The following MTUS2 variants were observed in gnomAD, a reference collection of about 807,000 sequenced individuals.
MTUS2 encodes the protein microtubule-associated tumor suppressor candidate 2.
MTUS2 carries 40 observed loss-of-function variants against 114.1 expected under a neutral mutation model. That is an observed-to-expected ratio of 0.35 (90% CI 0.27 to 0.46). The LOEUF is 0.46. Among genes scored for constraint, MTUS2 ranks in the 20% least tolerant of loss-of-function variants. The pLI, the probability that MTUS2 is intolerant of heterozygous loss-of-function variation, is 1.00. For missense variants in MTUS2, 1,679 were observed against 1,705.4 expected, an observed-to-expected ratio of 0.98 and a Z score of 0.27; for synonymous variants, 688 against 672.0, an observed-to-expected ratio of 1.02 and a Z score of -0.37.
intron 5 of MTUS2, among the ~76,000 whole-genome samples, chr13:29,183,567 A>G (rs1030218179): frequency 6.6e-6 from 1 of 152,212 alleles, no homozygotes; most frequent in African/African-American, 2.4e-5. Context: ...TAAGACTGGA[A>G]AGATCACCAA....
chr13:29,348,165 C>G (rs1232847700), intron 7 of MTUS2, among the ~76,000 whole-genome samples: 1 of 152,178 alleles, frequency 6.6e-6, no homozygotes, highest in Non-Finnish European at 1.5e-5. Context: ...AGCTTCTAAT[C>G]ATGGCTTGGT....
At chr13:29,353,719 G>C (rs1378647182) in intron 7 of MTUS2, among the ~76,000 whole-genome samples, 1 of 152,174 alleles carries the variant, frequency 6.6e-6, no homozygotes, top group Non-Finnish European at 1.5e-5. Flanking sequence ...CTTCTTCCTG[G>C]CTAATTTTTC....
chr13:28,873,312 T>A (rs1426900516), intron 2 of MTUS2, among the ~76,000 whole-genome samples: 1 of 152,178 alleles, frequency 6.6e-6, no homozygotes, highest in African/African-American at 2.4e-5. Flanking sequence ...TTTTCTCACA[T>A]CTCTTTGAGA....
At chr13:29,161,376 A>G (rs1893089951) in intron 5 of MTUS2, among the ~76,000 whole-genome samples, 1 of 151,942 alleles carries the variant, frequency 6.6e-6, no homozygotes, top group Non-Finnish European at 1.5e-5. Flanking sequence ...AAATAATTTT[A>G]AAGTTATGAT....
In MTUS2 at chr13:29,016,495, G is replaced by A. The variant is rs146907016; in HGVS notation, c.-242-7962G>A. ...TAATATTTTGTTTAAATATCACCTT[G>A]GTCTAAACTAAGAAAAACCATTACC... On this transcript the variant is annotated intron_variant, in intron 2 of 15. Coordinates refer to ENST00000612955, the MANE Select transcript of MTUS2 (RefSeq NM_001033602.4). Among the ~76,000 whole-genome samples, 462 of 151,510 alleles carry A rather than the reference G, an allele frequency of 3.0e-3. 2 individuals are homozygous for A. Among genetic ancestry groups the A allele is most frequent in the African/African-American group, 0.01 (424 of 41,304 alleles).
In MTUS2 at chr13:28,826,231, T is replaced by A. The variant is rs73452654; in HGVS notation, c.-316+5620T>A. ...TGGATTTTCCAGATAGATGGTCATA[T>A]CATCTGCTAAATAAGTAAATAAATC... On this transcript the variant is annotated intron_variant, in intron 1 of 15. Transcript: ENST00000612955. Among the ~76,000 whole-genome samples, 1,513 of 152,344 alleles carry A rather than the reference T, an allele frequency of 9.9e-3. 27 individuals are homozygous for A. Among genetic ancestry groups the A allele is most frequent in the African/African-American group, 0.035 (1,453 of 41,564 alleles).
Position 29,402,259 on chromosome 13 carries a change from C to A in MTUS2, c.3118-37724C>A, listed in dbSNP as rs560827283. Reference sequence around the variant, plus strand: ...ACCACTCTAGGCTCTACAAATTTGACCAGCAGTTAACACAAGAACTCTACC... The same window carrying A: ...ACCACTCTAGGCTCTACAAATTTGAACAGCAGTTAACACAAGAACTCTACC... On this transcript the variant is annotated intron_variant, in intron 8 of 15. Transcript: ENST00000612955. Among the ~76,000 whole-genome samples, 4 of 152,186 alleles carry A rather than the reference C, an allele frequency of 2.6e-5. No individual in the cohort carries two copies. In the South Asian group the frequency reaches 8.3e-4, roughly 32 times the overall value.
At chr13:29,350,960 C>CATATAT (rs56192034) in intron 7 of MTUS2, among the ~76,000 whole-genome samples, 1,496 of 128,610 alleles carry the variant, frequency 0.012, 70 homozygotes, top group Non-Finnish European at 0.018. Flanking sequence ...ATATATATTT[C>CATATAT]ATATATATAT....
chr13:29,307,594 A>G, intron 6 of MTUS2: 1 of 1,196,636 alleles, frequency 8.4e-7, no homozygotes, highest in Non-Finnish European at 1.2e-6. Context: ...CCTCAAGGGC[A>G]TCCTGGGCTA....
At chr13:29,501,698 C>G (rs1005164171) in intron 15 of MTUS2, among the ~76,000 whole-genome samples, 3 of 152,236 alleles carry the variant, frequency 2.0e-5, no homozygotes, top group African/African-American at 7.2e-5. Flanking sequence ...GCTGCTCTCC[C>G]ATGAGGGCTG....
At chr13:29,297,901 A>ATAT (rs1899020401) in intron 6 of MTUS2, among the ~76,000 whole-genome samples, 1 of 152,138 alleles carries the variant, frequency 6.6e-6, no homozygotes, top group Admixed American at 6.5e-5. Context: ...AAAACATGCT[A>ATAT]TTCAGTGCTG....
In MTUS2 at chr13:29,275,895, G is replaced by A. The variant is rs577094983; in HGVS notation, c.2645-5809G>A. On this transcript the variant is annotated intron_variant, in intron 5 of 15. Transcript: ENST00000612955. ...CTTTTGGGTATGTACTTAGGAGTGG[G>A]ATATATGTCTTCTTCTCAACTTGTT... 1.4e-4 allele frequency among the ~76,000 whole-genome samples: 21 copies of A among 152,276 alleles called. No individual in the cohort carries two copies. The South Asian group carries it at 1.7e-3, about 12-fold the overall frequency.
intron 5 of MTUS2, among the ~76,000 whole-genome samples, chr13:29,249,508 G>A (rs547961341): frequency 1.3e-5 from 2 of 152,232 alleles, no homozygotes; most frequent in South Asian, 2.1e-4. Flanking sequence ...CATTCTGACT[G>A]GCATGAGATG....
intron 8 of MTUS2, among the ~76,000 whole-genome samples, chr13:29,404,030 A>T (rs1447834796): frequency 2.6e-5 from 4 of 151,762 alleles, no homozygotes; most frequent in Admixed American, 2.6e-4. Context: ...CTATACTCTT[A>T]TTTACTACAT....
intron 5 of MTUS2, among the ~76,000 whole-genome samples, chr13:29,251,151 A>G (rs1044581342): frequency 6.6e-5 from 10 of 152,206 alleles, no homozygotes; most frequent in African/African-American, 1.9e-4. Context: ...TGAATACGAG[A>G]ACAAGATCAT....
At chr13:29,501,713 A>C (rs1306200663) in intron 15 of MTUS2, among the ~76,000 whole-genome samples, 6 of 152,232 alleles carry the variant, frequency 3.9e-5, no homozygotes, top group Non-Finnish European at 5.9e-5. Flanking sequence ...GGGCTGAGCC[A>C]TATCAGTAAG....
chr13:29,452,112 C>T (rs1202241603), intron 9 of MTUS2, among the ~76,000 whole-genome samples: 1 of 152,046 alleles, frequency 6.6e-6, no homozygotes, highest in African/African-American at 2.4e-5. Context: ...AGTTTCTATC[C>T]CAAACAGGTG....
At chr13:29,424,617 C>T (rs967778050) in intron 8 of MTUS2, among the ~76,000 whole-genome samples, 5 of 152,120 alleles carry the variant, frequency 3.3e-5, no homozygotes, top group African/African-American at 4.8e-5. Context: ...GTGTGCTTCC[C>T]GACAGAATGA....
intron 5 of MTUS2, among the ~76,000 whole-genome samples, chr13:29,179,570 G>T (rs187729845): frequency 4.7e-4 from 72 of 152,308 alleles, no homozygotes; most frequent in Admixed American, 4.2e-3. Context: ...GTTAGACAAT[G>T]ATGCCATGTG....
Sources: gnomAD v4.1 joint callset for allele counts (sites outside exome capture counted in the v4.1 genomes callset) on GRCh38, gnomAD v4.1.1 for gene constraint, MANE v1.5 for transcripts, NCBI Gene and HGNC (gene_info 2026-07-23, HGNC 2026-07-21) for gene names.